SYNDIG1: variants seen among roughly 807,000 people sequenced by gnomAD.
The protein encoded by SYNDIG1 is synapse differentiation inducing 1, also known as synapse differentiation-inducing gene protein 1.
In SYNDIG1, 9 loss-of-function variants were observed where a neutral mutation model predicts 19.4. The observed-to-expected ratio is 0.46, with a 90% CI of 0.28 to 0.81. The LOEUF is 0.81. Ranked by LOEUF, SYNDIG1 falls within the 30% of genes least tolerant of loss-of-function variation. The pLI is 0.12. For missense variants in SYNDIG1, 311 were observed against 343.3 expected (o/e 0.91, Z 0.74); for synonymous variants, 141 against 145.9 (o/e 0.97, Z 0.24).
intron 1 of SYNDIG1, among the ~76,000 whole-genome samples, chr20:24,536,223 G>T (rs1477837421): frequency 3.9e-5 from 6 of 152,176 alleles, no homozygotes; most frequent in Admixed American, 1.3e-4. Context: ...GACCAACTCT[G>T]CTCCAGAAAG....
rs533953331 is a variant in SYNDIG1 at position 24,482,608 on chromosome 20, G to A, written c.-79+12855G>A. Among the ~76,000 whole-genome samples, 4 of 152,210 alleles carry A rather than the reference G, an allele frequency of 2.6e-5. No individual in the cohort carries two copies. The South Asian group carries it at 6.2e-4, about 24-fold the overall frequency. The stretch of plus-strand genomic sequence containing the variant: ...CCACTAAAACATTTCTAAGATACAC[G>A]CAGAGTATGTGTATCTTGCTTCCAG... On this transcript the variant is annotated intron_variant, in intron 1 of 3. Transcript: ENST00000376862.
intron 3 of SYNDIG1, among the ~76,000 whole-genome samples, chr20:24,629,158 C>T (rs1281839762): frequency 1.3e-5 from 2 of 152,232 alleles, no homozygotes; most frequent in African/African-American, 4.8e-5. Flanking sequence ...CCGGCTCTGG[C>T]CTGCTACACA....
intron 2 of SYNDIG1, among the ~76,000 whole-genome samples, chr20:24,570,434 T>C (rs1222458635): frequency 2.0e-5 from 3 of 152,154 alleles, no homozygotes; most frequent in Non-Finnish European, 1.5e-5. Context: ...TACAGAAAAA[T>C]TATCTCTTAA....
Position 24,617,519 on chromosome 20 carries a change from G to A in SYNDIG1, c.618+32526G>A, listed in dbSNP as rs1239582315. Among the ~76,000 whole-genome samples the A allele has an allele frequency of 5.9e-5, 9 of 152,282 alleles. No homozygotes were observed. The East Asian group carries it at 9.6e-4, about 16-fold the overall frequency. ...AATGAGCTTCTAGACACTGCCCTCCGGGTGCTCCTGAGAACTCGACTTTGT... is the reference window on the plus strand; with the variant it reads ...AATGAGCTTCTAGACACTGCCCTCCAGGTGCTCCTGAGAACTCGACTTTGT... On this transcript the variant is annotated intron_variant, in intron 3 of 3. Transcript: ENST00000376862.
In SYNDIG1 at chr20:24,583,002, C is replaced by T. The variant is rs551341733; in HGVS notation, c.481-1854C>T. 1.3e-4 allele frequency among the ~76,000 whole-genome samples: 20 copies of T among 152,314 alleles called. No individual in the cohort carries two copies. The Middle Eastern group carries it at 0.01, about 78-fold the overall frequency. On this transcript the variant is annotated intron_variant, in intron 2 of 3. Transcript: ENST00000376862. ...GAGTAAACAGTGAGCCCAAGTTCCACGAGAGGCCACCTGGGACGTCCTTAT... is the reference window on the plus strand; with the variant it reads ...GAGTAAACAGTGAGCCCAAGTTCCATGAGAGGCCACCTGGGACGTCCTTAT...
At chr20:24,492,408 G>A (rs1462284113) in intron 1 of SYNDIG1, among the ~76,000 whole-genome samples, 2 of 152,214 alleles carry the variant, frequency 1.3e-5, no homozygotes, top group African/African-American at 2.4e-5. Flanking sequence ...CAGGGGACAT[G>A]TGCATTGTCA....
intron 2 of SYNDIG1, among the ~76,000 whole-genome samples, chr20:24,563,270 C>A (rs1291897324): frequency 6.6e-6 from 1 of 152,230 alleles, no homozygotes; most frequent in East Asian, 1.9e-4. Context: ...AGCCTTGAGG[C>A]TGAAACTGGC....
chr20:24,620,738 C>G (rs543394945), intron 3 of SYNDIG1, among the ~76,000 whole-genome samples: 1 of 152,288 alleles, frequency 6.6e-6, no homozygotes, highest in East Asian at 1.9e-4. Flanking sequence ...GCTGTATTTC[C>G]AAGGATGAAA....
intron 2 of SYNDIG1, among the ~76,000 whole-genome samples, chr20:24,558,823 C>G (rs1437472732): frequency 6.6e-6 from 1 of 152,172 alleles, no homozygotes; most frequent in Non-Finnish European, 1.5e-5. Flanking sequence ...GCCCAATTGT[C>G]CCCATTTTTT....
In SYNDIG1 at chr20:24,572,292, G is replaced by A. The variant is rs74566753; in HGVS notation, c.481-12564G>A. Among the ~76,000 whole-genome samples the A allele has an allele frequency of 1.7e-3, 256 of 152,312 alleles. 10 individuals are homozygous for A. In the East Asian group the frequency reaches 0.037, roughly 22 times the overall value. Reference sequence around the variant, plus strand: ...TCCTTGCAACCTAGGCAGCCCAGCTGAACCACAGTCGCATTCTGGCGTGAG... The same window carrying A: ...TCCTTGCAACCTAGGCAGCCCAGCTAAACCACAGTCGCATTCTGGCGTGAG... On this transcript the variant is annotated intron_variant, in intron 2 of 3. Coordinates refer to ENST00000376862, the MANE Select transcript of SYNDIG1 (RefSeq NM_024893.3).
intron 1 of SYNDIG1, among the ~76,000 whole-genome samples, chr20:24,542,767 C>A (rs1181646814): frequency 6.6e-6 from 1 of 152,198 alleles, no homozygotes; most frequent in Non-Finnish European, 1.5e-5. Flanking sequence ...GGAGCCAATT[C>A]CTGCAGTCTC....
chr20:24,612,320 A>G (rs570267915), intron 3 of SYNDIG1, among the ~76,000 whole-genome samples: 170 of 152,330 alleles, frequency 1.1e-3, no homozygotes, highest in African/African-American at 3.9e-3. Flanking sequence ...ACAGGGCTTA[A>G]CCCTTTGGTA....
intron 3 of SYNDIG1, among the ~76,000 whole-genome samples, chr20:24,598,573 G>A (rs933505739): frequency 6.6e-6 from 1 of 152,234 alleles, no homozygotes; most frequent in Admixed American, 6.5e-5. Context: ...ACTGGGTGGG[G>A]CCCACAGTGG....
At chr20:24,626,050 C>G (rs2059124033) in intron 3 of SYNDIG1, among the ~76,000 whole-genome samples, 1 of 149,172 alleles carries the variant, frequency 6.7e-6, no homozygotes, top group African/African-American at 2.5e-5. Flanking sequence ...GGCTGACTCC[C>G]CCACCTCCCT....
At chr20:24,525,684 C>T (rs1279917487) in intron 1 of SYNDIG1, among the ~76,000 whole-genome samples, 2 of 152,094 alleles carry the variant, frequency 1.3e-5, no homozygotes, top group African/African-American at 4.8e-5. Flanking sequence ...AAAGAGAACA[C>T]GTATGCCTAG....
At chr20:24,610,139 A>C (rs1757110078) in intron 3 of SYNDIG1, among the ~76,000 whole-genome samples, 1 of 152,164 alleles carries the variant, frequency 6.6e-6, no homozygotes, top group South Asian at 2.1e-4. Flanking sequence ...AAAACATGGA[A>C]ATTGCAATTC....
chr20:24,590,227 G>A (rs1044936937), intron 3 of SYNDIG1, among the ~76,000 whole-genome samples: 40 of 152,030 alleles, frequency 2.6e-4, no homozygotes, highest in Non-Finnish European at 1.5e-5. Flanking sequence ...AGACAGAGAG[G>A]CCTGCAGTGC....
At chr20:24,603,385 C>T (rs2147134136) in intron 3 of SYNDIG1, among the ~76,000 whole-genome samples, 1 of 152,158 alleles carries the variant, frequency 6.6e-6, no homozygotes, top group East Asian at 1.9e-4. Flanking sequence ...CAAGCTCTGC[C>T]ATTGAGCAGG....
At chr20:24,598,030 C>G (rs1167503930) in intron 3 of SYNDIG1, among the ~76,000 whole-genome samples, 2 of 152,172 alleles carry the variant, frequency 1.3e-5, no homozygotes, top group African/African-American at 2.4e-5. Context: ...CAAATTGGAA[C>G]CCAGGTTAAA....
Sources: gnomAD v4.1 joint callset for allele counts (sites outside exome capture counted in the v4.1 genomes callset) on GRCh38, gnomAD v4.1.1 for gene constraint, MANE v1.5 for transcripts, NCBI Gene and HGNC (gene_info 2026-07-23, HGNC 2026-07-21) for gene names.